C12orf75: variants seen among roughly 807,000 people sequenced by gnomAD.
C12orf75 encodes the protein overexpressed in colon carcinoma 1 protein.
C12orf75 carries 4 observed loss-of-function variants against 11.4 expected under a neutral mutation model. The observed-to-expected ratio is 0.35, with a 90% CI of 0.17 to 0.80. The LOEUF (loss-of-function observed/expected upper bound fraction) is 0.80. Among genes scored for constraint, C12orf75 ranks in the 30% least tolerant of loss-of-function variants. The probability of loss-of-function intolerance (pLI) is 0.52; values close to 1 mark genes in which losing one functional copy is unlikely to be tolerated. For synonymous variants in C12orf75, 30 were observed against 30.0 expected (o/e 1.00, Z 0.00); for missense variants, 89 against 80.4 (o/e 1.11, Z -0.41).
chr12:105,339,792 A>G (rs920852505), intron 1 of C12orf75, among the ~76,000 whole-genome samples: 1 of 151,438 alleles, frequency 6.6e-6, no homozygotes, highest in Non-Finnish European at 1.5e-5. Context: ...AATTTTTTGT[A>G]TTTTTAGTAG....
chr12:105,344,338 T>G (rs1048646531), intron 1 of C12orf75, among the ~76,000 whole-genome samples: 2 of 152,182 alleles, frequency 1.3e-5, no homozygotes, highest in Non-Finnish European at 2.9e-5. Context: ...GCCTTCTGAT[T>G]CCACACTGTT....
At chr12:105,359,293 T>C (rs1462760669) in intron 2 of C12orf75, among the ~76,000 whole-genome samples, 1 of 152,224 alleles carries the variant, frequency 6.6e-6, no homozygotes, top group East Asian at 1.9e-4. Flanking sequence ...CTCTGCATTT[T>C]GGTTCTCTTG....
chr12:105,363,530 T>G (rs1296447391), intron 2 of C12orf75, among the ~76,000 whole-genome samples: 2 of 152,060 alleles, frequency 1.3e-5, no homozygotes, highest in African/African-American at 4.8e-5. Context: ...ATCAAGACCA[T>G]CCTGGCCAAC....
chr12:105,350,460 G>A (rs1195443327), intron 2 of C12orf75, among the ~76,000 whole-genome samples: 1 of 152,154 alleles, frequency 6.6e-6, no homozygotes, highest in Non-Finnish European at 1.5e-5. Flanking sequence ...GTTTTGCTGT[G>A]CCCACTGCCT....
chr12:105,337,865 A>AGGATGGGGTATGGTGGG (rs1892516243), intron 1 of C12orf75, among the ~76,000 whole-genome samples: 1 of 152,168 alleles, frequency 6.6e-6, no homozygotes, highest in Non-Finnish European at 1.5e-5. Flanking sequence ...TCTTTGAACA[A>AGGATGGGGTATGGTGGG]GGATGGGGTA....
chr12:105,358,421 C>T lies in C12orf75; in HGVS notation c.72-7386C>T, dbSNP rs368029785. Among the ~76,000 whole-genome samples the T allele has an allele frequency of 3.9e-5, 6 of 151,928 alleles. No homozygotes were observed. In the South Asian group the frequency reaches 6.2e-4, roughly 16 times the overall value. ...CTGTGGTGCCAGCTGCTAGGGAGGC[C>T]GAGATGGGAGCATCGCTTGAGCCTG... On this transcript the variant is annotated intron_variant, in intron 2 of 5. Transcript: ENST00000443585.
chr12:105,343,513 G>A (rs1391709834), intron 1 of C12orf75, among the ~76,000 whole-genome samples: 2 of 152,174 alleles, frequency 1.3e-5, no homozygotes, highest in Non-Finnish European at 2.9e-5. Flanking sequence ...AGCACTTTTT[G>A]CATAATTACT....
chr12:105,343,072 T>C (rs1034521841), intron 1 of C12orf75, among the ~76,000 whole-genome samples: 2 of 152,244 alleles, frequency 1.3e-5, no homozygotes, highest in African/African-American at 4.8e-5. Context: ...TGAAACTGCA[T>C]ATAATACTTT....
At chr12:105,360,968 G>A (rs1046681430) in intron 2 of C12orf75, among the ~76,000 whole-genome samples, 1 of 152,130 alleles carries the variant, frequency 6.6e-6, no homozygotes, top group Admixed American at 6.5e-5. Context: ...TAGAGACGGG[G>A]TTTCTTCATG....
chr12:105,339,691 A>G (rs2136141396), intron 1 of C12orf75, among the ~76,000 whole-genome samples: 1 of 151,926 alleles, frequency 6.6e-6, no homozygotes, highest in Non-Finnish European at 1.5e-5. Context: ...ATCTCCGCTC[A>G]CTGCAAGCTC....
At chr12:105,364,888 C>T (rs962731374) in intron 2 of C12orf75, among the ~76,000 whole-genome samples, 2 of 143,172 alleles carry the variant, frequency 1.4e-5, no homozygotes, top group Non-Finnish European at 3.0e-5. Flanking sequence ...GTTGCCCAAG[C>T]TGGAGTGTAA....
At chr12:105,338,760 T>C (rs11112474) in intron 1 of C12orf75, among the ~76,000 whole-genome samples, 78,209 of 151,806 alleles carry the variant, frequency 0.52, 20,373 homozygotes, top group Non-Finnish European at 0.55. Context: ...CTCTTGCTAA[T>C]GACCAGCCAG....
At chr12:105,339,798 A>G (rs1006597889) in intron 1 of C12orf75, among the ~76,000 whole-genome samples, 14 of 151,752 alleles carry the variant, frequency 9.2e-5, no homozygotes, top group African/African-American at 3.4e-4. Flanking sequence ...TTGTATTTTT[A>G]GTAGAGACGG....
chr12:105,347,670 C>T (rs927065721), intron 1 of C12orf75, among the ~76,000 whole-genome samples: 1 of 152,248 alleles, frequency 6.6e-6, no homozygotes, highest in Non-Finnish European at 1.5e-5. Flanking sequence ...TCCCAGTCCA[C>T]TGACTCAAAT....
In C12orf75 at chr12:105,348,634, T is replaced by C; in HGVS notation, c.71+8T>C. 2 of 1,529,766 alleles carry C rather than the reference T, an allele frequency of 1.3e-6. No homozygotes were observed. The highest frequency in any genetic ancestry group is 1.8e-6 in the Non-Finnish European group (2 of 1,132,234). The allele number at this position is 1,529,766 out of a possible 1,614,324, so 94.8% of individuals were successfully genotyped here. ...AGGAGCAGCCAAAGATGTGTAAGTA[T>C]TGAATATTAATGATTTTATAAGCTG... On this transcript the variant is annotated splice_region_variant and intron_variant, in intron 2 of 5. Transcript: ENST00000443585.
At chr12:105,331,101 G>C (rs1230020643) in intron 1 of C12orf75, among the ~76,000 whole-genome samples, 164 bp downstream of exon 1, 1 of 151,864 alleles carries the variant, frequency 6.6e-6, no homozygotes, top group Non-Finnish European at 1.5e-5. Context: ...AGCGTGGCAA[G>C]TCCCCCGCGC....
chr12:105,359,470 T>G (rs771773333), intron 2 of C12orf75, among the ~76,000 whole-genome samples: 1 of 152,062 alleles, frequency 6.6e-6, no homozygotes, highest in Non-Finnish European at 1.5e-5. Context: ...AGGCTATTAT[T>G]TAGCAGTGGA....
chr12:105,337,027 A>G (rs1039931230), intron 1 of C12orf75, among the ~76,000 whole-genome samples: 1 of 152,068 alleles, frequency 6.6e-6, no homozygotes, highest in East Asian at 1.9e-4. Flanking sequence ...CACTGCCCCA[A>G]ACAAAACCAG....
chr12:105,339,702 C>T (rs1017243531), intron 1 of C12orf75, among the ~76,000 whole-genome samples: 11 of 152,072 alleles, frequency 7.2e-5, no homozygotes, highest in East Asian at 5.8e-4. Flanking sequence ...CTGCAAGCTC[C>T]GCCTGCCGGG....
Sources: allele counts gnomAD v4.1 joint callset (sites outside exome capture counted in the v4.1 genomes callset), GRCh38; gene constraint gnomAD v4.1.1; transcripts MANE v1.5; gene names NCBI Gene and HGNC (gene_info 2026-07-23, HGNC 2026-07-21).